The following TIAM1 variants were observed in gnomAD, a reference collection of about 807,000 sequenced individuals.
The protein encoded by TIAM1 is TIAM Rac1 associated GEF 1.
TIAM1 carries 65 observed loss-of-function variants against 163.5 expected under a neutral mutation model. That is an observed-to-expected ratio of 0.40 (90% CI 0.33 to 0.49). The LOEUF is 0.49. Among genes scored for constraint, TIAM1 ranks in the 20% least tolerant of loss-of-function variants. The probability of loss-of-function intolerance (pLI) is 0.77; values close to 1 mark genes in which losing one functional copy is unlikely to be tolerated. For synonymous variants in TIAM1, 833 were observed against 810.1 expected (o/e 1.03, Z -0.48); for missense variants, 1,789 against 2,044.7 (o/e 0.87, Z 2.41).
intron 1 of TIAM1, among the ~76,000 whole-genome samples, chr21:31,468,439 C>T (rs1239282836): frequency 6.7e-6 from 1 of 150,304 alleles, no homozygotes; most frequent in Non-Finnish European, 1.5e-5. Flanking sequence ...GCGAAGATCA[C>T]ACCACTGCAC....
intron 4 of TIAM1, among the ~76,000 whole-genome samples, chr21:31,262,954 T>G (rs1601748033): frequency 1.3e-5 from 2 of 152,250 alleles, no homozygotes; most frequent in East Asian, 3.9e-4. Flanking sequence ...GAAAAAAATT[T>G]TTTTTTAAAA....
intron 6 of TIAM1, among the ~76,000 whole-genome samples, chr21:31,234,737 A>G (rs556449025): frequency 7.2e-5 from 11 of 152,192 alleles, no homozygotes; most frequent in Non-Finnish European, 1.6e-4. Flanking sequence ...AGCCATGATT[A>G]TACCACTGCA....
chr21:31,126,331 G>A (rs954035570), intron 26 of TIAM1, among the ~76,000 whole-genome samples: 9 of 152,062 alleles, frequency 5.9e-5, no homozygotes, highest in Non-Finnish European at 1.2e-4. Flanking sequence ...CACTGTGGCA[G>A]GCCGAGGCAG....
intron 2 of TIAM1, among the ~76,000 whole-genome samples, chr21:31,294,873 C>T (rs937318207): frequency 6.6e-6 from 1 of 152,186 alleles, no homozygotes; most frequent in Non-Finnish European, 1.5e-5. Flanking sequence ...ATGTTGGCAC[C>T]AGGGTGGCAG....
At chr21:31,160,013 C>T (rs186151443) in intron 16 of TIAM1, among the ~76,000 whole-genome samples, 1 of 152,296 alleles carries the variant, frequency 6.6e-6, no homozygotes. Context: ...AGTTGAACAT[C>T]CTATTTCCAG....
intron 18 of TIAM1, 72 bp from the exon 19 acceptor site, chr21:31,152,833 CA>C: frequency 6.5e-7 from 1 of 1,547,162 alleles, no homozygotes; most frequent in Non-Finnish European, 8.7e-7. Flanking sequence ...TATCTGATTA[CA>C]AGGTTTTTCT....
chr21:31,233,700 C>T (rs562294223), intron 6 of TIAM1, among the ~76,000 whole-genome samples: 26 of 152,252 alleles, frequency 1.7e-4, no homozygotes, highest in Admixed American at 3.3e-4. Context: ...AGCGAGACTC[C>T]GTCTCAAAAA....
intron 15 of TIAM1, among the ~76,000 whole-genome samples, chr21:31,180,659 A>G (rs1282592337): frequency 2.6e-5 from 4 of 152,218 alleles, no homozygotes; most frequent in Non-Finnish European, 5.9e-5. Context: ...ATCTAACATA[A>G]TATGTCTCAT....
intron 6 of TIAM1, among the ~76,000 whole-genome samples, chr21:31,226,995 T>C (rs2088025366): frequency 6.8e-6 from 1 of 147,740 alleles, no homozygotes; most frequent in Admixed American, 6.9e-5. Flanking sequence ...CGTGCTCTGT[T>C]GCCCAGGCTG....
intron 9 of TIAM1, 77 bp downstream of exon 9, chr21:31,217,476 A>C: frequency 1.3e-6 from 2 of 1,550,920 alleles, no homozygotes; most frequent in Non-Finnish European, 1.7e-6. Context: ...CTCACTGAAG[A>C]AACACACACA....
chr21:31,529,135 G>A (rs1160439315), intron 1 of TIAM1, among the ~76,000 whole-genome samples: 1 of 151,620 alleles, frequency 6.6e-6, no homozygotes, highest in Non-Finnish European at 1.5e-5. Flanking sequence ...TAGCCAGGAT[G>A]GTCTCGATCT....
chr21:31,225,296 T>C (rs8133653), intron 7 of TIAM1, among the ~76,000 whole-genome samples: 18,583 of 152,090 alleles, frequency 0.12, 3,609 homozygotes, highest in African/African-American at 0.41. Flanking sequence ...CCGCCACACC[T>C]GGCCAGATAT....
At chr21:31,396,674 G>A (rs2077076226) in intron 2 of TIAM1, among the ~76,000 whole-genome samples, 1 of 150,930 alleles carries the variant, frequency 6.6e-6, no homozygotes, top group East Asian at 1.9e-4. Context: ...ATTGGGCCAG[G>A]CGCGGTGGCT....
At chr21:31,305,145 T>A (rs1230329424) in intron 2 of TIAM1, among the ~76,000 whole-genome samples, 1 of 152,232 alleles carries the variant, frequency 6.6e-6, no homozygotes, top group Non-Finnish European at 1.5e-5. Context: ...AACAAAGATG[T>A]GCAACTAGAA....
intron 2 of TIAM1, among the ~76,000 whole-genome samples, chr21:31,422,400 G>A (rs1046764218): frequency 2.6e-5 from 4 of 152,144 alleles, no homozygotes; most frequent in African/African-American, 9.7e-5. Flanking sequence ...CGAAGCATTG[G>A]TGTGCATAAG....
Position 31,154,297 on chromosome 21 carries a change from G to T in TIAM1, c.3121C>A (p.Leu1041Met). The T allele has an allele frequency of 6.2e-7, 1 of 1,614,138 alleles. No homozygotes were observed. Among genetic ancestry groups the T allele is most frequent in the Non-Finnish European group, 8.5e-7 (1 of 1,180,026 alleles). Reference protein sequence around the residue: ...TMRQLSDADKLRKVICELLET... With the variant: ...TMRQLSDADKMRKVICELLET... ...AGGAGCTCGCAGATCACCTTGCGCA[G>T]CTTATCTGCATCCGAGAGTTGTCTC... Residue 1041 changes from leucine to methionine, a missense_variant, in exon 17 of 28, where the codon CTG (leucine) becomes ATG (methionine). Leu to Met is a conservative substitution (Grantham distance 15). Transcript: ENST00000541036.
At chr21:31,155,778 G>A (rs1306669544) in intron 16 of TIAM1, among the ~76,000 whole-genome samples, 1 of 152,232 alleles carries the variant, frequency 6.6e-6, no homozygotes, top group Non-Finnish European at 1.5e-5. Context: ...TGGGATTACA[G>A]GCGTGAGCCA....
intron 1 of TIAM1, among the ~76,000 whole-genome samples, chr21:31,526,028 C>T: frequency 9.0e-6 from 1 of 111,352 alleles, no homozygotes; most frequent in Non-Finnish European, 1.8e-5. Context: ...AGCAAGACTC[C>T]ATCTCAAAAA....
In TIAM1 at chr21:31,360,046, G is replaced by A. The variant is rs549933679; in HGVS notation, c.-368-20624C>T. ...TATTTACACCTAGACATGTCATAGT[G>A]GAACTGGAAAGCCAAAGGCAGAGAG... On this transcript the variant is annotated intron_variant, in intron 2 of 28. Coordinates refer to the TIAM1 transcript ENST00000286827. Among the ~76,000 whole-genome samples the A allele has an allele frequency of 2.0e-5, 3 of 152,162 alleles. No individual in the cohort carries two copies. The South Asian group carries it at 6.2e-4, about 32-fold the overall frequency.
Sources: gnomAD v4.1 joint callset for allele counts (sites outside exome capture counted in the v4.1 genomes callset) on GRCh38, gnomAD v4.1.1 for gene constraint, MANE v1.5 for transcripts, NCBI Gene and HGNC (gene_info 2026-07-23, HGNC 2026-07-21) for gene names.